Variants in CNTN4 observed in about 807,000 individuals in gnomAD.
The protein encoded by CNTN4 is contactin-4.
In CNTN4, 77 loss-of-function variants were observed where a neutral mutation model predicts 122.5. The ratio of observed to expected loss-of-function variants is 0.63; its 90% CI spans 0.52 to 0.76. The LOEUF is 0.76. Ranked by LOEUF, CNTN4 falls within the 30% of genes least tolerant of loss-of-function variation. CNTN4 has a pLI of 0.00. For missense variants in CNTN4, 1,256 were observed against 1,259.1 expected, an observed-to-expected ratio of 1.00 and a Z score of 0.04; for synonymous variants, 512 against 447.0, an observed-to-expected ratio of 1.15 and a Z score of -1.83.
At chr3:2,231,941 T>C (rs1013193300) in intron 2 of CNTN4, among the ~76,000 whole-genome samples, 6 of 152,160 alleles carry the variant, frequency 3.9e-5, no homozygotes, top group African/African-American at 1.4e-4. Flanking sequence ...AATTAACATA[T>C]AGGATTATAC....
intron 3 of CNTN4, among the ~76,000 whole-genome samples, chr3:2,402,814 A>G (rs981891599): frequency 2.0e-5 from 3 of 152,142 alleles, no homozygotes; most frequent in African/African-American, 7.2e-5. Context: ...GGAATTTAAT[A>G]TACCTAAAGT....
intron 3 of CNTN4, among the ~76,000 whole-genome samples, chr3:2,523,216 C>G (rs907487728): frequency 2.0e-5 from 3 of 151,632 alleles, no homozygotes; most frequent in African/African-American, 7.3e-5. Context: ...TATTTTTCAC[C>G]CTGTGGCTTA....
intron 2 of CNTN4, among the ~76,000 whole-genome samples, chr3:2,289,169 TAGAAATATTATTTTAAAA>T (rs2042045449): frequency 6.6e-6 from 1 of 152,196 alleles, no homozygotes; most frequent in African/African-American, 2.4e-5. Context: ...AGAAATATTT[TAGAAATATTATTTTAAAA>T]AGAAATATTT....
At chr3:2,802,029 T>C in intron 6 of CNTN4, among the ~76,000 whole-genome samples, 1 of 152,344 alleles carries the variant, frequency 6.6e-6, no homozygotes, top group South Asian at 2.1e-4. Context: ...GCTGCTACTA[T>C]TATTATTACA....
At chr3:2,485,098 G>A (rs982882069) in intron 3 of CNTN4, among the ~76,000 whole-genome samples, 5 of 152,166 alleles carry the variant, frequency 3.3e-5, no homozygotes, top group Admixed American at 1.3e-4. Flanking sequence ...AGTGCCGGCC[G>A]GCCAGTGCTG....
intron 2 of CNTN4, among the ~76,000 whole-genome samples, chr3:2,258,267 C>A (rs944538205): frequency 1.3e-5 from 2 of 152,178 alleles, no homozygotes; most frequent in Admixed American, 1.3e-4. Flanking sequence ...CATTATAAAT[C>A]ATTCTACTGT....
intron 2 of CNTN4, among the ~76,000 whole-genome samples, chr3:2,184,116 C>T (rs1284010835): frequency 6.6e-6 from 1 of 152,052 alleles, no homozygotes; most frequent in Non-Finnish European, 1.5e-5. Context: ...GGACCACTAT[C>T]ACACACCATC....
chr3:2,131,646 T>C (rs1262212453), intron 2 of CNTN4, among the ~76,000 whole-genome samples: 1 of 152,196 alleles, frequency 6.6e-6, no homozygotes, highest in Non-Finnish European at 1.5e-5. Flanking sequence ...AGCACACTCA[T>C]GTAAAATGTC....
intron 3 of CNTN4, among the ~76,000 whole-genome samples, chr3:2,453,625 C>CT (rs2048905883): frequency 6.6e-6 from 1 of 152,080 alleles, no homozygotes; most frequent in South Asian, 2.1e-4. Context: ...ACTTCATGCT[C>CT]TTTTAACTAT....
At chr3:2,114,967 A>G (rs1191949358) in intron 2 of CNTN4, among the ~76,000 whole-genome samples, 1 of 152,216 alleles carries the variant, frequency 6.6e-6, no homozygotes, top group Non-Finnish European at 1.5e-5. Flanking sequence ...ATTGTCATGG[A>G]CATTTATTGT....
intron 4 of CNTN4, among the ~76,000 whole-genome samples, chr3:2,702,655 G>A (rs527396460): frequency 3.9e-5 from 6 of 152,298 alleles, no homozygotes; most frequent in Middle Eastern, 3.4e-3. Flanking sequence ...TCTTTTGGGT[G>A]AGCTCCCTCC....
At chr3:2,409,864 A>G (rs2047169826) in intron 3 of CNTN4, among the ~76,000 whole-genome samples, 1 of 152,080 alleles carries the variant, frequency 6.6e-6, no homozygotes, top group South Asian at 2.1e-4. Context: ...TAAATTATAT[A>G]TATATACTGA....
chr3:2,996,545 CAAAA>C (rs1436574681), intron 14 of CNTN4, among the ~76,000 whole-genome samples: 1 of 151,980 alleles, frequency 6.6e-6, no homozygotes, highest in African/African-American at 2.4e-5. Context: ...TCAGAATAAA[CAAAA>C]CAAACAAACA....
At chr3:2,844,102 T>C (rs2093413935) in intron 7 of CNTN4, among the ~76,000 whole-genome samples, 1 of 152,168 alleles carries the variant, frequency 6.6e-6, no homozygotes, top group Non-Finnish European at 1.5e-5. Flanking sequence ...CCTTTGTGAG[T>C]GTTGCTCCCA....
intron 3 of CNTN4, among the ~76,000 whole-genome samples, chr3:2,390,432 G>C (rs1250347104): frequency 6.6e-6 from 1 of 151,906 alleles, no homozygotes; most frequent in East Asian, 1.9e-4. Flanking sequence ...TAATCAGAGG[G>C]CAAAATAGCC....
rs7639230 is a variant in CNTN4, at chr3:2,375,945, C to G, written c.-89+36712C>G. On this transcript the variant is annotated intron_variant, in intron 3 of 24. Transcript: ENST00000418658. ...AAGAAAAAAAAAAAGAGAAAACCCT[C>G]TGCTGTTCTCTTTCAGCTTAATGGT... 3.0e-3 allele frequency among the ~76,000 whole-genome samples: 453 copies of G among 152,232 alleles called. 3 individuals are homozygous for G. The highest frequency in any genetic ancestry group is 0.02 in the Middle Eastern group (6 of 294).
intron 2 of CNTN4, among the ~76,000 whole-genome samples, chr3:2,331,767 G>C (rs1575394011): frequency 6.6e-6 from 1 of 152,176 alleles, no homozygotes; most frequent in Admixed American, 6.5e-5. Context: ...AAGACCCCGA[G>C]TTTTGGGTTG....
chr3:2,555,133 T>G (rs563924352), intron 3 of CNTN4, among the ~76,000 whole-genome samples: 1 of 152,384 alleles, frequency 6.6e-6, no homozygotes, highest in Admixed American at 6.5e-5. Context: ...TTTGGATATC[T>G]ATATAGATTG....
At chr3:2,772,929 G>A (rs1014055390) in intron 6 of CNTN4, among the ~76,000 whole-genome samples, 5 of 152,126 alleles carry the variant, frequency 3.3e-5, no homozygotes, top group Non-Finnish European at 5.9e-5. Flanking sequence ...AATCAGGAGA[G>A]GATAGAGAGC....
Sources: gnomAD v4.1 joint callset for allele counts (sites outside exome capture counted in the v4.1 genomes callset) on GRCh38, gnomAD v4.1.1 for gene constraint, MANE v1.5 for transcripts, NCBI Gene and HGNC (gene_info 2026-07-23, HGNC 2026-07-21) for gene names.